The following PLCB1 variants were observed in gnomAD, a reference collection of about 807,000 sequenced individuals.
PLCB1 encodes 1-phosphatidylinositol 4,5-bisphosphate phosphodiesterase beta-1.
In PLCB1, 46 loss-of-function variants were observed where a neutral mutation model predicts 161.8. The ratio of observed to expected loss-of-function variants is 0.28; its 90% confidence interval spans 0.22 to 0.36. The LOEUF is 0.36. Ranked by LOEUF, PLCB1 falls within the 10% of genes least tolerant of loss-of-function variation. PLCB1 has a pLI of 1.00. For missense variants in PLCB1, 1,016 were observed against 1,472.5 expected (o/e 0.69, Z 5.07); for synonymous variants, 517 against 503.7 (o/e 1.03, Z -0.35).
chr20:8,384,151 C>T (rs976121690), intron 3 of PLCB1, among the ~76,000 whole-genome samples: 2 of 152,092 alleles, frequency 1.3e-5, no homozygotes, highest in Non-Finnish European at 2.9e-5. Context: ...GTCCCTGTCA[C>T]GTACTCCATT....
chr20:8,499,220 G>A (rs1983303317), intron 3 of PLCB1, among the ~76,000 whole-genome samples: 1 of 152,092 alleles, frequency 6.6e-6, no homozygotes, highest in East Asian at 1.9e-4. Context: ...TGTGCTTTTG[G>A]GATATTTTAG....
chr20:8,792,570 T>G (rs1022771106), intron 31 of PLCB1: 2 of 471,122 alleles, frequency 4.2e-6, no homozygotes, highest in Non-Finnish European at 8.8e-6. Context: ...ATTGTCTGCG[T>G]TTTTTATTGT....
At chr20:8,652,859 G>A (rs1292628904) in intron 7 of PLCB1, 2 of 152,054 alleles carry the variant, frequency 1.3e-5, no homozygotes, top group African/African-American at 2.4e-5. Flanking sequence ...CTAGCCTGAA[G>A]TTACCCTAAT....
chr20:8,332,978 C>T (rs749419470), intron 2 of PLCB1, among the ~76,000 whole-genome samples: 3 of 152,184 alleles, frequency 2.0e-5, no homozygotes, highest in African/African-American at 4.8e-5. Context: ...TAAAAATACA[C>T]GTGCCTTTTC....
At chr20:8,647,333 C>G (rs1003994769) in intron 5 of PLCB1, among the ~76,000 whole-genome samples, 4 of 152,186 alleles carry the variant, frequency 2.6e-5, no homozygotes, top group African/African-American at 9.7e-5. Flanking sequence ...TAATCAATCT[C>G]TACTACAAAT....
At chr20:8,193,908 C>T (rs1334454779) in intron 2 of PLCB1, among the ~76,000 whole-genome samples, 1 of 151,918 alleles carries the variant, frequency 6.6e-6, no homozygotes, top group Admixed American at 6.6e-5. Context: ...CTATGAGGGT[C>T]TTTCTGCCTT....
At chr20:8,616,120 C>G (rs533414402) in intron 3 of PLCB1, among the ~76,000 whole-genome samples, 2 of 152,232 alleles carry the variant, frequency 1.3e-5, no homozygotes, top group South Asian at 4.1e-4. Flanking sequence ...CCAAATCTGT[C>G]CCCCATATTC....
chr20:8,815,096 G>A (rs754310606), intron 31 of PLCB1, among the ~76,000 whole-genome samples: 4 of 152,118 alleles, frequency 2.6e-5, no homozygotes, highest in Non-Finnish European at 5.9e-5. Context: ...CAGATGTCAG[G>A]TAAACAGGTC....
At chr20:8,524,348 CTA>C (rs1984497078) in intron 3 of PLCB1, among the ~76,000 whole-genome samples, 1 of 152,034 alleles carries the variant, frequency 6.6e-6, no homozygotes, top group South Asian at 2.1e-4. Context: ...GAGGGGAACA[CTA>C]TGAGTTTTCT....
At chr20:8,179,735 A>C (rs2051818688) in intron 2 of PLCB1, among the ~76,000 whole-genome samples, 1 of 151,808 alleles carries the variant, frequency 6.6e-6, no homozygotes, top group African/African-American at 2.4e-5. Flanking sequence ...CCAGTTCTCA[A>C]GGGGAATGCG....
intron 7 of PLCB1, chr20:8,651,324 CTT>C (rs1246998669): frequency 3.0e-6 from 2 of 655,772 alleles, no homozygotes; most frequent in Admixed American, 2.5e-5. Context: ...GTTGTGAAGA[CTT>C]TTCAAAACAG....
intron 11 of PLCB1, among the ~76,000 whole-genome samples, chr20:8,701,498 A>T (rs916326187): frequency 8.5e-5 from 13 of 152,158 alleles, no homozygotes; most frequent in African/African-American, 2.6e-4. Flanking sequence ...CCCAATCCCC[A>T]CACTACTGAC....
chr20:8,420,407 AG>A (rs1420662414), intron 3 of PLCB1, among the ~76,000 whole-genome samples: 1 of 152,208 alleles, frequency 6.6e-6, no homozygotes, highest in East Asian at 1.9e-4. Flanking sequence ...CTTGGATTCA[AG>A]GGGTACGTGT....
chr20:8,796,451 C>G (rs1240523296), intron 31 of PLCB1, among the ~76,000 whole-genome samples: 2 of 152,190 alleles, frequency 1.3e-5, no homozygotes, highest in Admixed American at 6.6e-5. Context: ...TGTGCCTCCT[C>G]TAATCTTTTG....
At chr20:8,197,930 T>A (rs1465985382) in intron 2 of PLCB1, among the ~76,000 whole-genome samples, 1 of 152,218 alleles carries the variant, frequency 6.6e-6, no homozygotes, top group East Asian at 1.9e-4. Flanking sequence ...TTTTCCCCAT[T>A]TCTTGTTTTT....
intron 2 of PLCB1, among the ~76,000 whole-genome samples, chr20:8,231,121 C>A (rs1980009672): frequency 6.6e-6 from 1 of 152,278 alleles, no homozygotes; most frequent in East Asian, 1.9e-4. Flanking sequence ...CATGCTGCAA[C>A]CCTGCCACAA....
intron 1 of PLCB1, among the ~76,000 whole-genome samples, chr20:8,136,525 C>A (rs1282018123): frequency 6.6e-6 from 1 of 151,622 alleles, no homozygotes; most frequent in African/African-American, 2.4e-5. Flanking sequence ...GCTCGGGAGG[C>A]TGAGGCAGGA....
intron 9 of PLCB1, among the ~76,000 whole-genome samples, chr20:8,659,455 A>T (rs1427776449): frequency 6.6e-6 from 1 of 152,164 alleles, no homozygotes; most frequent in East Asian, 1.9e-4. Context: ...TTAGTGTGTT[A>T]TCACTGATGT....
intron 1 of PLCB1, among the ~76,000 whole-genome samples, chr20:8,149,877 T>C (rs1042830343): frequency 2.6e-5 from 4 of 152,114 alleles, no homozygotes; most frequent in African/African-American, 9.7e-5. Flanking sequence ...TCAAATACTA[T>C]GTTTTACTCT....
Sources: gnomAD v4.1 joint callset for allele counts (sites outside exome capture counted in the v4.1 genomes callset) on GRCh38, gnomAD v4.1.1 for gene constraint, MANE v1.5 for transcripts, NCBI Gene and HGNC (gene_info 2026-07-23, HGNC 2026-07-21) for gene names.